The following TRPC4 variants were observed in gnomAD, a reference collection of about 807,000 sequenced individuals.
TRPC4 encodes transient receptor potential cation channel subfamily C member 4, also known as short transient receptor potential channel 4.
TRPC4 carries 49 observed loss-of-function variants against 99.4 expected under a neutral mutation model. The ratio of observed to expected loss-of-function variants is 0.49; its 90% CI spans 0.39 to 0.63. The LOEUF is 0.63. Ranked by LOEUF, TRPC4 falls within the 20% of genes least tolerant of loss-of-function variation. The pLI is 0.00. For missense variants in TRPC4, 898 were observed against 1,152.9 expected, an observed-to-expected ratio of 0.78 and a Z score of 3.20; for synonymous variants, 454 against 425.9, an observed-to-expected ratio of 1.07 and a Z score of -0.81.
chr13:37,708,397 A>G (rs1014183594), intron 3 of TRPC4, among the ~76,000 whole-genome samples: 2 of 152,102 alleles, frequency 1.3e-5, no homozygotes, highest in Non-Finnish European at 2.9e-5. Context: ...TGCATCATAC[A>G]TATGCTAAAT....
intron 1 of TRPC4, among the ~76,000 whole-genome samples, chr13:37,848,341 T>A (rs1401582434): frequency 6.6e-6 from 1 of 152,166 alleles, no homozygotes; most frequent in East Asian, 1.9e-4. Context: ...GTATATCTTT[T>A]TGTCCATCAA....
chr13:37,675,575 G>A (rs1231073709), intron 4 of TRPC4, among the ~76,000 whole-genome samples: 1 of 152,160 alleles, frequency 6.6e-6, no homozygotes, highest in African/African-American at 2.4e-5. Context: ...TGTGGGAGAG[G>A]CACAGTGTCC....
At chr13:37,814,723 T>C (rs1277723011) in intron 1 of TRPC4, among the ~76,000 whole-genome samples, 2 of 151,788 alleles carry the variant, frequency 1.3e-5, no homozygotes, top group African/African-American at 4.8e-5. Flanking sequence ...TATTCATGTA[T>C]TGGAAATCTT....
intron 1 of TRPC4, among the ~76,000 whole-genome samples, chr13:37,803,722 G>T (rs573620311): frequency 6.6e-6 from 1 of 152,052 alleles, no homozygotes; most frequent in African/African-American, 2.4e-5. Flanking sequence ...CCATTAATGT[G>T]TTGGAGGTAG....
intron 3 of TRPC4, among the ~76,000 whole-genome samples, chr13:37,700,206 T>A (rs1954060534): frequency 1.3e-5 from 2 of 152,234 alleles, no homozygotes; most frequent in Non-Finnish European, 2.9e-5. Flanking sequence ...AGATGCTTTC[T>A]TAAAACTTGA....
rs561154067 is a variant in TRPC4 at position 37,649,719 on chromosome 13, G to A, written c.2079+1546C>T. 8.4e-5 allele frequency among the ~76,000 whole-genome samples: 9 copies of A among 107,172 alleles called. No individual in the cohort carries two copies. The South Asian group carries it at 1.8e-3, about 21-fold the overall frequency. The allele number at this position is 107,172 out of a possible 152,430, so 70.3% of individuals were successfully genotyped here. A position where few individuals can be genotyped will look rare whatever the true frequency, so the allele number is the denominator to read the frequency against. ...TGCACTTCAGCCTGGGCAACTGAGCGAGACTCCGTCTCAAAAAAAAAAAAA... is the reference window on the plus strand; with the variant it reads ...TGCACTTCAGCCTGGGCAACTGAGCAAGACTCCGTCTCAAAAAAAAAAAAA... On this transcript the variant is annotated intron_variant, in intron 8 of 10. Coordinates refer to ENST00000379705, the MANE Select transcript of TRPC4 (RefSeq NM_016179.4).
intron 4 of TRPC4, among the ~76,000 whole-genome samples, chr13:37,675,477 A>G (rs1355211674): frequency 6.6e-6 from 1 of 152,074 alleles, no homozygotes; most frequent in Non-Finnish European, 1.5e-5. Flanking sequence ...GAAAATTTCT[A>G]CCCTCTTGCA....
At chr13:37,752,819 T>G (rs2139198199) in intron 2 of TRPC4, among the ~76,000 whole-genome samples, 1 of 152,144 alleles carries the variant, frequency 6.6e-6, no homozygotes, top group South Asian at 2.1e-4. Flanking sequence ...GAAGATAACT[T>G]CACTAAATCT....
At chr13:37,738,918 G>T (rs905420298) in intron 3 of TRPC4, among the ~76,000 whole-genome samples, 9 of 138,922 alleles carry the variant, frequency 6.5e-5, no homozygotes, top group African/African-American at 2.2e-4. Context: ...CCCAAACTGA[G>T]GGTTTCCCCG....
At chr13:37,865,849 C>T (rs13378740) in intron 1 of TRPC4, among the ~76,000 whole-genome samples, 7,962 of 151,706 alleles carry the variant, frequency 0.052, 656 homozygotes, top group African/African-American at 0.18. Context: ...TTTCATCTTT[C>T]TCAGGTTGTT....
At chr13:37,796,883 A>G (rs1957258043) in intron 1 of TRPC4, among the ~76,000 whole-genome samples, 1 of 141,090 alleles carries the variant, frequency 7.1e-6, no homozygotes, top group Non-Finnish European at 1.5e-5. Context: ...CCTTGAGCCC[A>G]GGAGTTCGAG....
intron 2 of TRPC4, among the ~76,000 whole-genome samples, chr13:37,763,522 T>C (rs1295171493): frequency 1.3e-5 from 2 of 151,618 alleles, no homozygotes; most frequent in African/African-American, 4.8e-5. Context: ...GTAGTAAGAT[T>C]GCTGGGCACC....
At chr13:37,656,151 A>T (rs544390428) in intron 6 of TRPC4, among the ~76,000 whole-genome samples, 23 of 152,186 alleles carry the variant, frequency 1.5e-4, no homozygotes, top group African/African-American at 5.3e-4. Context: ...CCTTTAACTT[A>T]CTCCAAAAAA....
intron 1 of TRPC4, among the ~76,000 whole-genome samples, chr13:37,853,796 G>A (rs994786091): frequency 6.6e-6 from 1 of 151,950 alleles, no homozygotes; most frequent in Non-Finnish European, 1.5e-5. Flanking sequence ...GTTGAAGAAT[G>A]CATCAGAGTA....
At chr13:37,717,515 C>T (rs1016299135) in intron 3 of TRPC4, among the ~76,000 whole-genome samples, 1 of 152,088 alleles carries the variant, frequency 6.6e-6, no homozygotes, top group Non-Finnish European at 1.5e-5. Context: ...CAATTGTGTC[C>T]TCTACCCAAG....
intron 2 of TRPC4, among the ~76,000 whole-genome samples, chr13:37,754,188 C>T (rs558996461): frequency 1.3e-5 from 2 of 152,088 alleles, no homozygotes; most frequent in Non-Finnish European, 2.9e-5. Flanking sequence ...TCGTTCTCAA[C>T]GCAGTCTATT....
intron 4 of TRPC4, among the ~76,000 whole-genome samples, chr13:37,683,647 A>T (rs191144840): frequency 3.9e-5 from 6 of 152,232 alleles, no homozygotes; most frequent in Admixed American, 3.9e-4. Flanking sequence ...AGGCAGGACA[A>T]CCAACCAAGA....
chr13:37,660,769 G>A (rs1952408826), intron 6 of TRPC4, among the ~76,000 whole-genome samples: 1 of 151,946 alleles, frequency 6.6e-6, no homozygotes, highest in African/African-American at 2.4e-5. Context: ...CGGAAATAGT[G>A]GGCAGTAAAA....
At chr13:37,656,559 A>G (rs926759292) in intron 6 of TRPC4, among the ~76,000 whole-genome samples, 3 of 152,172 alleles carry the variant, frequency 2.0e-5, no homozygotes, top group African/African-American at 7.2e-5. Flanking sequence ...AAGTGACCCA[A>G]GGAGAGAAAA....
Sources: gnomAD v4.1 joint callset for allele counts (sites outside exome capture counted in the v4.1 genomes callset) on GRCh38, gnomAD v4.1.1 for gene constraint, MANE v1.5 for transcripts, NCBI Gene and HGNC (gene_info 2026-07-23, HGNC 2026-07-21) for gene names.